MMS22L: variants seen among roughly 807,000 people sequenced by gnomAD.
The protein encoded by MMS22L is MMS22 like, DNA repair protein.
MMS22L carries 74 observed loss-of-function variants against 159.1 expected under a neutral mutation model. The observed-to-expected ratio is 0.47, with a 90% CI of 0.39 to 0.56. The LOEUF is 0.56. MMS22L is among the 20% of genes least tolerant of loss of function. The pLI, the probability that MMS22L is intolerant of heterozygous loss-of-function variation, is 0.00. For synonymous variants in MMS22L, 517 were observed against 506.9 expected (o/e 1.02, Z -0.27); for missense variants, 1,351 against 1,422.1 (o/e 0.95, Z 0.80).
chr6:97,228,838 C>T, intron 14 of MMS22L, 56 bp downstream of exon 14: 16 of 1,462,948 alleles, frequency 1.1e-5, no homozygotes, highest in South Asian at 8.4e-5. Flanking sequence ...ATATAAAATC[C>T]ACATAAGTAA....
chr6:97,176,444 G>A (rs1804124782), intron 18 of MMS22L, among the ~76,000 whole-genome samples: 2 of 152,040 alleles, frequency 1.3e-5, no homozygotes, highest in African/African-American at 4.8e-5. Context: ...AGTTAATACA[G>A]CAGACCCAAG....
chr6:97,164,836 C>T (rs1403803184), intron 21 of MMS22L, among the ~76,000 whole-genome samples: 1 of 151,992 alleles, frequency 6.6e-6, no homozygotes, highest in South Asian at 2.1e-4. Flanking sequence ...CCAGGCTGGT[C>T]TCGAACTCCT....
intron 22 of MMS22L, among the ~76,000 whole-genome samples, chr6:97,159,583 A>G (rs941473240): frequency 1.3e-5 from 2 of 152,036 alleles, no homozygotes; most frequent in African/African-American, 4.8e-5. Context: ...GCAAATACAT[A>G]TCTTAACTTC....
intron 14 of MMS22L, among the ~76,000 whole-genome samples, chr6:97,188,521 T>C (rs1475367069): frequency 6.6e-6 from 1 of 152,206 alleles, no homozygotes; most frequent in South Asian, 2.1e-4. Flanking sequence ...AAGCTAAATA[T>C]GCCCAAAGGT....
intron 14 of MMS22L, among the ~76,000 whole-genome samples, chr6:97,205,637 A>G (rs1310995262): frequency 2.0e-5 from 3 of 152,222 alleles, no homozygotes; most frequent in Non-Finnish European, 4.4e-5. Flanking sequence ...AATGGTGTGA[A>G]GATTCTACTA....
At chr6:97,274,215 A>C (rs1435556464) in intron 4 of MMS22L, among the ~76,000 whole-genome samples, 1 of 152,250 alleles carries the variant, frequency 6.6e-6, no homozygotes, top group African/African-American at 2.4e-5. Flanking sequence ...ACTAAACATG[A>C]AACTAAAGTT....
intron 14 of MMS22L, among the ~76,000 whole-genome samples, chr6:97,189,591 TA>T (rs1241638061): frequency 1.7e-3 from 192 of 113,348 alleles, no homozygotes; most frequent in African/African-American, 3.9e-3. Flanking sequence ...AATAATTAAT[TA>T]AAAAAAAAAA....
chr6:97,170,794 C>T (rs1275032958), intron 19 of MMS22L, among the ~76,000 whole-genome samples: 2 of 152,118 alleles, frequency 1.3e-5, no homozygotes, highest in African/African-American at 2.4e-5. Flanking sequence ...GCTGCTTGAG[C>T]CCAGGAGTTC....
intron 19 of MMS22L, among the ~76,000 whole-genome samples, chr6:97,171,333 A>C (rs753259732): frequency 3.9e-5 from 6 of 152,216 alleles, no homozygotes; most frequent in Non-Finnish European, 7.3e-5. Context: ...AAAAGGATAG[A>C]TGAAGTGTAA....
intron 18 of MMS22L, among the ~76,000 whole-genome samples, chr6:97,178,052 C>A (rs758753097): frequency 6.6e-6 from 1 of 152,160 alleles, no homozygotes; most frequent in African/African-American, 2.4e-5. Flanking sequence ...TATGCCTACA[C>A]TGTTCGCTAC....
intron 14 of MMS22L, among the ~76,000 whole-genome samples, chr6:97,222,950 T>A (rs1809808261): frequency 6.6e-6 from 1 of 152,116 alleles, no homozygotes; most frequent in Non-Finnish European, 1.5e-5. Context: ...GAACTTAAAA[T>A]GTGATTCCAG....
chr6:97,213,233 C>T (rs1269545619), intron 14 of MMS22L, among the ~76,000 whole-genome samples: 4 of 151,978 alleles, frequency 2.6e-5, no homozygotes, highest in Admixed American at 2.6e-4. Flanking sequence ...ATGGAAAAAC[C>T]CCATCTCTAC....
intron 16 of MMS22L, among the ~76,000 whole-genome samples, chr6:97,181,037 G>A (rs922812674): frequency 2.6e-5 from 4 of 152,126 alleles, no homozygotes; most frequent in South Asian, 4.1e-4. Context: ...TACACACGAC[G>A]TATGTGTAGG....
At chr6:97,211,253 CA>C (rs1298657831) in intron 14 of MMS22L, among the ~76,000 whole-genome samples, 2 of 151,180 alleles carry the variant, frequency 1.3e-5, no homozygotes, top group Non-Finnish European at 3.0e-5. Flanking sequence ...TTTACACATC[CA>C]AAAAAATACA....
chr6:97,212,891 C>G (rs1218093058), intron 14 of MMS22L, among the ~76,000 whole-genome samples: 2 of 152,154 alleles, frequency 1.3e-5, no homozygotes, highest in African/African-American at 4.8e-5. Flanking sequence ...CTAAGCAAAT[C>G]AAATTTTTAA....
At chr6:97,240,011 C>T (rs973473912) in intron 11 of MMS22L, among the ~76,000 whole-genome samples, 1 of 152,196 alleles carries the variant, frequency 6.6e-6, no homozygotes, top group Non-Finnish European at 1.5e-5. Flanking sequence ...TTAAATACAG[C>T]AAATGGACTC....
At chr6:97,226,961 C>T (rs972473841) in intron 14 of MMS22L, among the ~76,000 whole-genome samples, 2 of 152,102 alleles carry the variant, frequency 1.3e-5, no homozygotes, top group African/African-American at 4.8e-5. Context: ...GGACAACTCA[C>T]TCCCAGTTGA....
chr6:97,199,865 A>G (rs1049210708), intron 14 of MMS22L, among the ~76,000 whole-genome samples: 4 of 152,150 alleles, frequency 2.6e-5, no homozygotes, highest in African/African-American at 9.6e-5. Context: ...TACATATATA[A>G]TCTTTAGAAA....
intron 11 of MMS22L, among the ~76,000 whole-genome samples, chr6:97,236,046 G>C (rs1811361598): frequency 6.6e-6 from 1 of 152,032 alleles, no homozygotes; most frequent in African/African-American, 2.4e-5. Flanking sequence ...AGAAGTTCCG[G>C]GCCAGGCACG....
Sources: allele counts gnomAD v4.1 joint callset (sites outside exome capture counted in the v4.1 genomes callset), GRCh38; gene constraint gnomAD v4.1.1; transcripts MANE v1.5; gene names NCBI Gene and HGNC (gene_info 2026-07-23, HGNC 2026-07-21).